QTGAL: variants seen among roughly 807,000 people sequenced by gnomAD.
QTGAL encodes BGnT-like protein 1.
the QTGAL span, among the ~76,000 whole-genome samples, chr17:83,013,898 C>T: frequency 5.3e-5 from 8 of 152,178 alleles, no homozygotes; most frequent in Non-Finnish European, 8.8e-5. Context: ...GCAGGAGCCT[C>T]GCGGTGGCTG....
the QTGAL span, among the ~76,000 whole-genome samples, chr17:82,989,199 CATAG>C: frequency 1.2e-4 from 18 of 152,200 alleles, no homozygotes; most frequent in African/African-American, 4.1e-4. Flanking sequence ...TTTGCAGGGA[CATAG>C]ATGGAGGTGG....
chr17:82,945,929 A>G, the QTGAL span: 18 of 152,242 alleles, frequency 1.2e-4, no homozygotes, highest in African/African-American at 4.3e-4. Context: ...GATGGCTTAT[A>G]TGTGGATTTT....
At chr17:83,015,434 T>C in the QTGAL span, among the ~76,000 whole-genome samples, 1 of 152,274 alleles carries the variant, frequency 6.6e-6, no homozygotes, top group African/African-American at 2.4e-5. This position sits in a 1 kb window ranked among gnomAD's most constrained non-coding sequence, Gnocchi z 4.4. Flanking sequence ...GATACATGAA[T>C]TGTGCATGTT....
chr17:82,968,002 C>T, the QTGAL span, among the ~76,000 whole-genome samples: 5 of 152,090 alleles, frequency 3.3e-5, no homozygotes, highest in East Asian at 3.8e-4. Flanking sequence ...TCTTACATAA[C>T]GCTGAAGGGA....
chr17:83,014,430 G>C, the QTGAL span: 2 of 1,608,132 alleles, frequency 1.2e-6, no homozygotes, highest in African/African-American at 2.7e-5. Context: ...AGGTAGTAAC[G>C]ACACTAAGGA....
chr17:83,046,123 C>T, the QTGAL span, among the ~76,000 whole-genome samples: 4,609 of 151,474 alleles, frequency 0.03, 241 homozygotes, highest in African/African-American at 0.11. Context: ...CAAACCCGGC[C>T]CATTTATTTT....
At chr17:83,021,172 T>C in the QTGAL span, among the ~76,000 whole-genome samples, 1 of 152,214 alleles carries the variant, frequency 6.6e-6, no homozygotes, top group South Asian at 2.1e-4. Flanking sequence ...CACGAGGTTG[T>C]TGCTAGAAGC....
chr17:82,957,192 C>G, the QTGAL span: 1 of 1,614,192 alleles, frequency 6.2e-7, no homozygotes, highest in Non-Finnish European at 8.5e-7. Context: ...TGAGAGTCCT[C>G]GTGGCAATAG....
At chr17:82,948,569 A>T in the QTGAL span, 1 of 152,272 alleles carries the variant, frequency 6.6e-6, no homozygotes, top group South Asian at 2.1e-4. Flanking sequence ...GTGGAGTGAA[A>T]ACCAGATGCG....
the QTGAL span, among the ~76,000 whole-genome samples, chr17:82,956,129 A>C: frequency 1.3e-5 from 2 of 151,800 alleles, no homozygotes; most frequent in Non-Finnish European, 2.9e-5. The surrounding 1 kb of genome is among the most constrained non-coding windows in gnomAD (Gnocchi z 5.7). Context: ...ACAAATCTTC[A>C]TGTTCAGCAC....
the QTGAL span, among the ~76,000 whole-genome samples, chr17:82,986,599 T>C: frequency 6.6e-6 from 1 of 152,234 alleles, no homozygotes; most frequent in Admixed American, 6.5e-5. Flanking sequence ...GAATAGAACT[T>C]GAAAGCTGGT....
chr17:82,956,631 G>C, the QTGAL span: 12 of 1,460,734 alleles, frequency 8.2e-6, no homozygotes, highest in African/African-American at 1.4e-4. The surrounding 1 kb of genome is among the most constrained non-coding windows in gnomAD (Gnocchi z 5.7). Flanking sequence ...CAGCAGGGCG[G>C]GTTGTCCAGG....
the QTGAL span, among the ~76,000 whole-genome samples, chr17:82,990,796 GGGTGGGGCTCTACT>G: frequency 6.6e-6 from 1 of 152,172 alleles, no homozygotes; most frequent in African/African-American, 2.4e-5. Context: ...TTTCACGTGA[GGGTGGGGCTCTACT>G]GGGATCAGTG....
chr17:83,039,766 C>T, the QTGAL span, among the ~76,000 whole-genome samples: 2,137 of 152,328 alleles, frequency 0.014, 49 homozygotes, highest in African/African-American at 0.048. Flanking sequence ...GTGGAGCCGA[C>T]CCCACCAGCC....
At chr17:82,944,888 A>G in the QTGAL span, 1 of 152,212 alleles carries the variant, frequency 6.6e-6, no homozygotes, top group Non-Finnish European at 1.5e-5. Context: ...GGGACCCTAA[A>G]TAAGTCTTTT....
the QTGAL span, among the ~76,000 whole-genome samples, chr17:83,013,341 C>T: frequency 1.4e-5 from 2 of 147,726 alleles, no homozygotes. Context: ...GCCGGCTGCA[C>T]CCCCAGCACC....
At chr17:82,949,967 G>C in the QTGAL span, 1 of 152,194 alleles carries the variant, frequency 6.6e-6, no homozygotes, top group Non-Finnish European at 1.5e-5. Context: ...CATAGGGCTG[G>C]TTTCCTGTCA....
At chr17:82,958,076 T>C in the QTGAL span, among the ~76,000 whole-genome samples, 1 of 145,720 alleles carries the variant, frequency 6.9e-6, no homozygotes, top group Admixed American at 6.8e-5. Context: ...AGCCCCGCCC[T>C]CTCTCCTCCC....
the QTGAL span, chr17:83,006,150 A>G: frequency 1.0e-6 from 1 of 987,250 alleles, no homozygotes; most frequent in Non-Finnish European, 1.2e-6. This position sits in a 1 kb window ranked among gnomAD's most constrained non-coding sequence, Gnocchi z 5.8. Context: ...CGTCTCACCC[A>G]AGACCAACAA....
Sources: allele counts gnomAD v4.1 joint callset (sites outside exome capture counted in the v4.1 genomes callset), GRCh38; gene constraint gnomAD v4.1.1; non-coding constraint Gnocchi (gnomAD v3.1); transcripts MANE v1.5; gene names NCBI Gene and HGNC (gene_info 2026-07-23, HGNC 2026-07-21).